Variants in PHF14 observed in about 807,000 individuals in gnomAD.
PHF14 encodes the protein PHD finger protein 14.
In PHF14, 55 loss-of-function variants were observed where a neutral mutation model predicts 117.9. That is an observed-to-expected ratio of 0.47 (90% CI 0.38 to 0.58). PHF14 has a LOEUF of 0.58. PHF14 is among the 20% of genes least tolerant of loss of function. The probability of loss-of-function intolerance (pLI) is 0.00; values close to 1 mark genes in which losing one functional copy is unlikely to be tolerated. For missense variants in PHF14, 978 were observed against 1,122.2 expected, an observed-to-expected ratio of 0.87 and a Z score of 1.84; for synonymous variants, 409 against 368.6, an observed-to-expected ratio of 1.11 and a Z score of -1.26.
chr7:11,088,431 C>CACAG (rs1786507166), intron 16 of PHF14, among the ~76,000 whole-genome samples: 1 of 151,992 alleles, frequency 6.6e-6, no homozygotes, highest in Non-Finnish European at 1.5e-5. Flanking sequence ...CACACACACA[C>CACAG]AGTCCTATTT....
At chr7:11,098,110 T>C (rs1317278354) in intron 16 of PHF14, among the ~76,000 whole-genome samples, 1 of 152,074 alleles carries the variant, frequency 6.6e-6, no homozygotes, top group Non-Finnish European at 1.5e-5. Flanking sequence ...TATACAAAAA[T>C]ATAAAAAGTA....
At chr7:10,997,403 A>G (rs945572004) in intron 4 of PHF14, among the ~76,000 whole-genome samples, 43 of 152,346 alleles carry the variant, frequency 2.8e-4, no homozygotes, top group African/African-American at 9.9e-4. Flanking sequence ...AAGGGATGTG[A>G]AATTGAGGGA....
Position 11,040,713 on chromosome 7 carries a change from A to G in PHF14, c.2118A>G (p.Arg706=). 1 of 1,570,556 alleles carries G rather than the reference A, an allele frequency of 6.4e-7. No homozygotes were observed. Among genetic ancestry groups the G allele is most frequent in the African/African-American group, 1.4e-5 (1 of 73,806 alleles). The change falls in exon 12 of 18, where the codon AGA becomes AGG. Residue 706 remains arginine, a synonymous_variant. Coordinates refer to ENST00000634607, the MANE Select transcript of PHF14 (RefSeq NM_001007157.2). ...IPAILRAPKE[R]KPSKKEGGTQ... ...CAATTTTGCGAGCACCCAAGGAGAG[A>G]AAACCAAGTAAAAAAGAAGGAGGCA...
chr7:11,079,795 T>C (rs968337008), intron 16 of PHF14, among the ~76,000 whole-genome samples: 2 of 152,172 alleles, frequency 1.3e-5, no homozygotes, highest in Admixed American at 1.3e-4. Flanking sequence ...ATTTTGTTTG[T>C]TCTTTACAGT....
intron 4 of PHF14, among the ~76,000 whole-genome samples, chr7:11,000,334 C>CTTTTTTTTTTT (rs71023882): frequency 3.3e-5 from 2 of 60,370 alleles, no homozygotes; most frequent in Non-Finnish European, 6.1e-5. Context: ...GCTTATTTGC[C>CTTTTTTTTTTT]TTTTTTTTTT....
intron 8 of PHF14, 76 bp downstream of exon 8, chr7:11,035,862 A>G (rs1043381928): frequency 3.8e-5 from 43 of 1,137,218 alleles, no homozygotes; most frequent in Non-Finnish European, 5.1e-5. Flanking sequence ...TGTGGCTTCC[A>G]GTGACATGTG....
rs375628395 is a variant in PHF14 at position 11,013,889 on chromosome 7, G to A, written c.1188G>A (p.Lys396=). 6.2e-6 allele frequency: 10 copies of A among 1,602,282 alleles called. No individual in the cohort carries two copies. Among genetic ancestry groups the A allele is most frequent in the South Asian group, 5.6e-5 (5 of 89,712 alleles). Residue 396 remains lysine, a synonymous_variant, in exon 5 of 18, where the codon AAG becomes AAA. Coordinates refer to ENST00000634607, the MANE Select transcript of PHF14 (RefSeq NM_001007157.2). The part of the protein sequence containing the change: ...ELCPNQDGIF[K]ETDAGRWVHI... ...GTCCTAATCAGGATGGAATTTTCAA[G>A]GAGACAGATGCTGGAAGGTTAATGT... is the stretch of plus-strand genomic sequence containing the variant.
chr7:11,087,700 ATC>A lies in PHF14; in HGVS notation c.2655-23646_2655-23645del, dbSNP rs1421538533. ...CTCCCAGTGGTCTTCTCACTTAATA[ATC>A]TCTGTGTGTTTTCATTTGGCCCATG... On this transcript the variant is annotated intron_variant, in intron 16 of 17. Coordinates refer to ENST00000634607, the MANE Select transcript of PHF14 (RefSeq NM_001007157.2). Among the ~76,000 whole-genome samples the A allele has an allele frequency of 2.6e-5, 4 of 152,040 alleles. No homozygotes were observed. The East Asian group carries it at 7.7e-4, about 29-fold the overall frequency.
At chr7:11,028,601 A>G in intron 6 of PHF14, 80 bp from the exon 7 acceptor site, 2 of 1,239,852 alleles carry the variant, frequency 1.6e-6, no homozygotes, top group Non-Finnish European at 2.3e-6. Flanking sequence ...TTAAATATTT[A>G]GTGGACACTT....
chr7:11,115,998 C>T (rs1037488377), intron 17 of PHF14, among the ~76,000 whole-genome samples: 7 of 152,030 alleles, frequency 4.6e-5, no homozygotes, highest in African/African-American at 1.2e-4. Context: ...GAGTTGTCTG[C>T]TAGTTTTCTA....
rs1239682180 is a variant in PHF14 at position 11,038,760 on chromosome 7, C to T, written c.1981C>T (p.Leu661=). The change falls in exon 11 of 18, where the codon CTA becomes TTA. Residue 661 remains leucine, a splice_region_variant and synonymous_variant. Coordinates refer to ENST00000634607, the MANE Select transcript of PHF14 (RefSeq NM_001007157.2). ...TTTACTAATTTGGCTTACTTTGTAG[C>T]TATGTGAATCTTTAGAAGAACTACA... ...QEKLHVEYNK[L]CESLEELQNL... is the part of the protein sequence containing the mutation. 14 of 1,490,270 alleles carry T rather than the reference C, an allele frequency of 9.4e-6. No homozygotes were observed. The highest frequency in any genetic ancestry group is 1.3e-5 in the Non-Finnish European group (14 of 1,082,336). 92.3% of individuals were successfully genotyped at this position (1,490,270 alleles called of 1,614,324 possible). A position where few individuals can be genotyped will look rare whatever the true frequency, so the allele number is the denominator to read the frequency against.
chr7:11,013,967 C>T (rs1783438365), intron 5 of PHF14, 61 bp downstream of exon 5: 1 of 1,097,888 alleles, frequency 9.1e-7, no homozygotes, highest in Admixed American at 2.1e-5. Flanking sequence ...CCTTTGACTT[C>T]CCTGTTCTTC....
chr7:11,011,039 T>G (rs1039898917), intron 4 of PHF14, among the ~76,000 whole-genome samples: 4 of 152,192 alleles, frequency 2.6e-5, no homozygotes, highest in Non-Finnish European at 5.9e-5. Flanking sequence ...TGAAGCAGCT[T>G]GTGTAAGTCA....
At chr7:11,109,850 T>C (rs923889409) in intron 16 of PHF14, 10 of 151,952 alleles carry the variant, frequency 6.6e-5, no homozygotes, top group Non-Finnish European at 2.9e-5. Context: ...TAGCTAGAAC[T>C]GTCATAGTAA....
At chr7:11,142,625 AC>A (rs1239676093) in intron 17 of PHF14, among the ~76,000 whole-genome samples, 1 of 152,102 alleles carries the variant, frequency 6.6e-6, no homozygotes, top group Non-Finnish European at 1.5e-5. Flanking sequence ...GCTTGTGACA[AC>A]TTTAACCTAT....
intron 6 of PHF14, among the ~76,000 whole-genome samples, chr7:11,026,413 G>T (rs558847539): frequency 6.6e-6 from 1 of 152,298 alleles, no homozygotes; most frequent in East Asian, 1.9e-4. Context: ...TTGTTTTATT[G>T]TGATACTTTA....
At chr7:11,141,154 A>G (rs530818434) in intron 17 of PHF14, among the ~76,000 whole-genome samples, 3 of 152,182 alleles carry the variant, frequency 2.0e-5, no homozygotes, top group South Asian at 4.1e-4. Context: ...GAAAATATCA[A>G]TCCAGTTACA....
intron 17 of PHF14, among the ~76,000 whole-genome samples, chr7:11,139,524 T>G (rs1034166350): frequency 6.6e-6 from 1 of 152,198 alleles, no homozygotes; most frequent in African/African-American, 2.4e-5. Context: ...GAATTTTATA[T>G]TGTGAGAAAT....
chr7:11,059,008 G>A (rs1184131634), intron 14 of PHF14, among the ~76,000 whole-genome samples: 2 of 151,944 alleles, frequency 1.3e-5, no homozygotes, highest in Admixed American at 6.6e-5. Context: ...ATATATCAGC[G>A]ATTACCATTT....
Sources: allele counts gnomAD v4.1 joint callset (sites outside exome capture counted in the v4.1 genomes callset), GRCh38; gene constraint gnomAD v4.1.1; transcripts MANE v1.5; gene names NCBI Gene and HGNC (gene_info 2026-07-23, HGNC 2026-07-21).